ANO6: variants seen among roughly 807,000 people sequenced by gnomAD.
The protein encoded by ANO6 is anoctamin 6, also known as anoctamin-6.
In ANO6, 106 loss-of-function variants were observed where a neutral mutation model predicts 117.5. The ratio of observed to expected loss-of-function variants is 0.90; its 90% CI spans 0.77 to 1.06. ANO6 has a LOEUF of 1.06. Among genes scored for constraint, ANO6 ranks in the 50% least tolerant of loss-of-function variants. The pLI is 0.00. For synonymous variants in ANO6, 367 were observed against 385.1 expected (o/e 0.95, Z 0.55); for missense variants, 955 against 1,121.1 (o/e 0.85, Z 2.12).
intron 11 of ANO6, among the ~76,000 whole-genome samples, chr12:45,388,689 C>T (rs960076396): frequency 1.3e-5 from 2 of 152,174 alleles, no homozygotes; most frequent in African/African-American, 4.8e-5. Flanking sequence ...ATTCCAGCCC[C>T]TTATTCATCC....
chr12:45,383,565 C>A (rs1340287579), intron 10 of ANO6, among the ~76,000 whole-genome samples: 1 of 148,328 alleles, frequency 6.7e-6, no homozygotes, highest in African/African-American at 2.6e-5. Context: ...AAAAGGACTC[C>A]TTGATCTATG....
rs1348230277 is a variant in ANO6, at chr12:45,431,655, T to G, written c.*2344T>G. On this transcript the variant is annotated 3_prime_UTR_variant, in exon 20 of 20. Transcript: ENST00000320560. ...CATTTCCCCATGCCATCCACAGTGTTTGTTAGTGAGTCCACGGCTGACTTG... is the reference window on the plus strand; with the variant it reads ...CATTTCCCCATGCCATCCACAGTGTGTGTTAGTGAGTCCACGGCTGACTTG... 1.0e-6 allele frequency: 1 copy of G among 985,354 alleles called. No homozygotes were observed. Among genetic ancestry groups the G allele is most frequent in the Non-Finnish European group, 1.2e-6 (1 of 829,910 alleles). The allele number at this position is 985,354 out of a possible 1,614,324, so 61.0% of individuals were successfully genotyped here. A position where few individuals can be genotyped will look rare whatever the true frequency, so the allele number is the denominator to read the frequency against.
chr12:45,284,439 CAG>C (rs1555165041), intron 1 of ANO6, among the ~76,000 whole-genome samples: 1 of 152,222 alleles, frequency 6.6e-6, no homozygotes, highest in Non-Finnish European at 1.5e-5. Context: ...TGGCCAGCCT[CAG>C]GGGAGAAGGG....
intron 12 of ANO6, among the ~76,000 whole-genome samples, chr12:45,400,265 TTAA>T (rs1224036010): frequency 5.9e-5 from 9 of 152,240 alleles, no homozygotes; most frequent in Admixed American, 3.3e-4. Context: ...ATCTTTATCA[TTAA>T]TAATAAACAT....
intron 15 of ANO6, 87 bp downstream of exon 15, chr12:45,403,623 AGCC>A: frequency 1.9e-6 from 2 of 1,034,162 alleles, no homozygotes; most frequent in East Asian, 3.0e-5. Context: ...ATAGCCACAT[AGCC>A]ACATAGCTGC....
At chr12:45,401,223 C>G (rs1592020530) in intron 12 of ANO6, among the ~76,000 whole-genome samples, 1 of 152,362 alleles carries the variant, frequency 6.6e-6, no homozygotes, top group East Asian at 1.9e-4. Context: ...AGTGCTCAGA[C>G]TCTCCCCTGC....
intron 1 of ANO6, among the ~76,000 whole-genome samples, chr12:45,264,816 A>G (rs1312139682): frequency 6.6e-6 from 1 of 152,230 alleles, no homozygotes; most frequent in African/African-American, 2.4e-5. Flanking sequence ...GACACTAAAT[A>G]TAAGACCTTG....
At chr12:45,353,459 G>T (rs977397701) in intron 7 of ANO6, among the ~76,000 whole-genome samples, 4 of 152,068 alleles carry the variant, frequency 2.6e-5, no homozygotes, top group Non-Finnish European at 5.9e-5. Flanking sequence ...CATTTTTTAT[G>T]TGCTCTTTTA....
chr12:45,312,327 A>C (rs1939875611), intron 2 of ANO6, among the ~76,000 whole-genome samples: 1 of 152,226 alleles, frequency 6.6e-6, no homozygotes, highest in East Asian at 1.9e-4. Flanking sequence ...ACCTCATCGT[A>C]TCATGACCTA....
At chr12:45,265,623 C>T (rs1213973247) in intron 1 of ANO6, among the ~76,000 whole-genome samples, 2 of 152,172 alleles carry the variant, frequency 1.3e-5, no homozygotes, top group African/African-American at 4.8e-5. Flanking sequence ...CCCAGCTGAT[C>T]ATCCAGTTAA....
At chr12:45,327,418 A>G (rs887462775) in intron 2 of ANO6, among the ~76,000 whole-genome samples, 57 of 152,334 alleles carry the variant, frequency 3.7e-4, no homozygotes, top group African/African-American at 1.3e-3. Flanking sequence ...TGTGCCACTT[A>G]AAATCTGCTT....
intron 3 of ANO6, among the ~76,000 whole-genome samples, chr12:45,336,270 T>C (rs1462300175): frequency 6.6e-6 from 1 of 152,038 alleles, no homozygotes; most frequent in Non-Finnish European, 1.5e-5. Context: ...TTAAGTCTTA[T>C]GCATATTAAG....
chr12:45,272,888 A>G (rs1312080427), intron 1 of ANO6, among the ~76,000 whole-genome samples: 1 of 152,228 alleles, frequency 6.6e-6, no homozygotes, highest in Non-Finnish European at 1.5e-5. Flanking sequence ...ACAATAGTCA[A>G]GATATGGAAA....
chr12:45,347,112 C>G, intron 4 of ANO6, 25 bp downstream of exon 4: 1 of 1,609,810 alleles, frequency 6.2e-7, no homozygotes, highest in Non-Finnish European at 8.5e-7. Context: ...CTTTTCAGCC[C>G]TCGGCTGACC....
chr12:45,231,204 T>C (rs1192581701), intron 1 of ANO6, among the ~76,000 whole-genome samples: 1 of 152,250 alleles, frequency 6.6e-6, no homozygotes, highest in Non-Finnish European at 1.5e-5. Flanking sequence ...ATATAACTTA[T>C]TAAAAGAGAT....
chr12:45,420,863 A>G (rs1192063920), intron 17 of ANO6, among the ~76,000 whole-genome samples: 1 of 152,066 alleles, frequency 6.6e-6, no homozygotes, highest in Non-Finnish European at 1.5e-5. Context: ...TGTCTCTACT[A>G]AAAGTACAAA....
At chr12:45,373,418 GCACCA>G (rs1054340260) in intron 9 of ANO6, among the ~76,000 whole-genome samples, 25 of 152,028 alleles carry the variant, frequency 1.6e-4, no homozygotes, top group Admixed American at 7.9e-4. Context: ...ATTTTTTTCA[GCACCA>G]CACCACACCT....
intron 15 of ANO6, among the ~76,000 whole-genome samples, chr12:45,405,760 T>C (rs1942917121): frequency 3.3e-5 from 5 of 152,064 alleles, no homozygotes; most frequent in Admixed American, 3.3e-4. Flanking sequence ...AAATACAAAA[T>C]TAGCCAGACA....
chr12:45,372,189 C>A (rs1249717459), intron 9 of ANO6, among the ~76,000 whole-genome samples: 1 of 151,672 alleles, frequency 6.6e-6, no homozygotes, highest in Non-Finnish European at 1.5e-5. Context: ...TGAGCAAAGC[C>A]TCCAAGAAAT....
Sources: allele counts gnomAD v4.1 joint callset (sites outside exome capture counted in the v4.1 genomes callset), GRCh38; gene constraint gnomAD v4.1.1; transcripts MANE v1.5; gene names NCBI Gene and HGNC (gene_info 2026-07-23, HGNC 2026-07-21).